L3MBTL4: variants seen among roughly 807,000 people sequenced by gnomAD.
The protein encoded by L3MBTL4 is lethal(3)malignant brain tumor-like protein 4.
A neutral mutation model predicts 84.5 loss-of-function variants in L3MBTL4; 70 were observed. The ratio of observed to expected loss-of-function variants is 0.83; its 90% CI spans 0.68 to 1.01. L3MBTL4 has a LOEUF of 1.01. Ranked by LOEUF, L3MBTL4 falls within the 50% of genes least tolerant of loss-of-function variation. The probability of loss-of-function intolerance (pLI) is 0.00; values close to 1 mark genes in which losing one functional copy is unlikely to be tolerated. For synonymous variants in L3MBTL4, 274 were observed against 259.8 expected (o/e 1.05, Z -0.52); for missense variants, 715 against 754.8 (o/e 0.95, Z 0.62).
chr18:6,367,127 G>A (rs1480738661), intron 1 of L3MBTL4: 1 of 152,374 alleles, frequency 6.6e-6, no homozygotes, highest in Non-Finnish European at 1.5e-5. Context: ...CCTTTCTGTC[G>A]GGTCCCTCTG....
chr18:6,169,083 T>C (rs112177396), intron 13 of L3MBTL4, among the ~76,000 whole-genome samples: 11,077 of 152,200 alleles, frequency 0.073, 1,365 homozygotes, highest in African/African-American at 0.25. Context: ...AAAAACTGCT[T>C]ATCGTCACTG....
chr18:6,215,656 G>T, intron 11 of L3MBTL4, 94 bp downstream of exon 11: 1 of 589,536 alleles, frequency 1.7e-6, no homozygotes, highest in South Asian at 4.1e-5. Context: ...AATTTAGAAA[G>T]AAAAAACTAG....
At chr18:6,336,993 G>C (rs1201032056) in intron 1 of L3MBTL4, among the ~76,000 whole-genome samples, 4 of 152,120 alleles carry the variant, frequency 2.6e-5, no homozygotes, top group Non-Finnish European at 4.4e-5. Context: ...GGAAATTCTA[G>C]AACTGGAAAA....
chr18:6,214,264 C>T (rs2046235227), intron 11 of L3MBTL4, among the ~76,000 whole-genome samples: 1 of 152,150 alleles, frequency 6.6e-6, no homozygotes, highest in Non-Finnish European at 1.5e-5. Context: ...GGGCAGATCA[C>T]CTGAGGTGAT....
chr18:5,982,520 A>C (rs942235033), intron 16 of L3MBTL4, among the ~76,000 whole-genome samples: 2 of 152,218 alleles, frequency 1.3e-5, no homozygotes, highest in Non-Finnish European at 2.9e-5. Context: ...AAGCAGAGAA[A>C]CCACAGACAG....
intron 16 of L3MBTL4, chr18:6,025,317 GAGGTCTCTAAATTCAGAC>G (rs2055451491): frequency 6.6e-6 from 1 of 152,178 alleles, no homozygotes; most frequent in Non-Finnish European, 1.5e-5. Flanking sequence ...TCTCCTTTGA[GAGGTCTCTAAATTCAGAC>G]AGGGCATCCA....
intron 4 of L3MBTL4, among the ~76,000 whole-genome samples, chr18:6,283,472 T>C (rs1381813874): frequency 2.0e-5 from 3 of 152,080 alleles, no homozygotes; most frequent in Non-Finnish European, 4.4e-5. Context: ...AGGATAAAAA[T>C]ACTAAAGGAA....
chr18:5,985,249 G>A (rs1446425330), intron 16 of L3MBTL4, among the ~76,000 whole-genome samples: 1 of 152,184 alleles, frequency 6.6e-6, no homozygotes, highest in Non-Finnish European at 1.5e-5. Context: ...GGAATCAGTG[G>A]GAAACCGGAA....
Position 6,049,791 on chromosome 18 carries a change from A to T in L3MBTL4, c.1444+31090T>A, listed in dbSNP as rs2056777063. Among the ~76,000 whole-genome samples the T allele has an allele frequency of 1.3e-5, 2 of 152,202 alleles. 1 individual carries two copies. Among genetic ancestry groups the T allele is most frequent in the South Asian group, 4.1e-4 (2 of 4,832 alleles). On this transcript the variant is annotated intron_variant, in intron 16 of 18. Transcript: ENST00000317931. ...TTATGTTCAGTACTTGGGTGATGGG[A>T]TTATTCACGCCCCAAACCTCAGCAT... is the stretch of plus-strand genomic sequence containing the variant.
chr18:6,267,194 A>G (rs1215839339), intron 4 of L3MBTL4, among the ~76,000 whole-genome samples: 1 of 152,228 alleles, frequency 6.6e-6, no homozygotes, highest in African/African-American at 2.4e-5. Flanking sequence ...ATTAGACTCA[A>G]AAAAGCATGG....
At position 6,219,990 on chromosome 18, in the gene L3MBTL4, G is replaced by A. The variant is rs911309457; in HGVS notation, c.785-4155C>T. 9.9e-5 allele frequency among the ~76,000 whole-genome samples: 15 copies of A among 152,128 alleles called. No individual in the cohort carries two copies. The East Asian group carries it at 2.1e-3, about 22-fold the overall frequency. ...CTGGAGTGGGAGGATCACTTGAGCC[G>A]CTGAGTTCAAGACCAGCCTAGGAAC... On this transcript the variant is annotated intron_variant, in intron 10 of 18. Coordinates refer to ENST00000317931, the MANE Select transcript of L3MBTL4 (RefSeq NM_001330559.2).
chr18:6,030,094 C>G (rs1354466665), intron 16 of L3MBTL4: 5 of 977,394 alleles, frequency 5.1e-6, no homozygotes, highest in Non-Finnish European at 6.1e-6. Context: ...CACGAGGAAA[C>G]TGTTTAACAA....
intron 16 of L3MBTL4, chr18:6,017,945 C>G (rs542101383): frequency 7.3e-4 from 111 of 152,240 alleles, no homozygotes; most frequent in African/African-American, 2.6e-3. Context: ...GTTGACTGGA[C>G]AGCTTACAAA....
At chr18:6,153,473 C>T (rs573985416) in intron 13 of L3MBTL4, among the ~76,000 whole-genome samples, 45 of 152,116 alleles carry the variant, frequency 3.0e-4, no homozygotes, top group African/African-American at 1.1e-3. Flanking sequence ...CTTTTTGATG[C>T]TATTGTAAAT....
intron 12 of L3MBTL4, among the ~76,000 whole-genome samples, chr18:6,172,742 T>G (rs1007328011): frequency 1.3e-5 from 2 of 152,188 alleles, no homozygotes; most frequent in Non-Finnish European, 2.9e-5. Flanking sequence ...TAAAAATAAT[T>G]ATTTCTTTTA....
intron 1 of L3MBTL4, among the ~76,000 whole-genome samples, chr18:6,375,820 G>A (rs2054344053): frequency 6.6e-6 from 1 of 152,170 alleles, no homozygotes. Flanking sequence ...GGCCTGGCCT[G>A]GATGTCAAAT....
chr18:6,080,049 CT>C, intron 16 of L3MBTL4: 1 of 152,554 alleles, frequency 6.6e-6, no homozygotes, highest in Non-Finnish European at 1.5e-5. Flanking sequence ...CCTCCCGGCC[CT>C]TTTGTTCAAT....
intron 12 of L3MBTL4, among the ~76,000 whole-genome samples, chr18:6,180,727 C>T (rs2044429992): frequency 6.6e-6 from 1 of 152,204 alleles, no homozygotes; most frequent in Non-Finnish European, 1.5e-5. Context: ...CCATCCTCTC[C>T]TCCAACCAAG....
chr18:6,385,520 C>CA (rs2054782859), intron 1 of L3MBTL4, among the ~76,000 whole-genome samples: 1 of 152,158 alleles, frequency 6.6e-6, no homozygotes, highest in African/African-American at 2.4e-5. Flanking sequence ...CATTCAGAAG[C>CA]AACATGTCCA....
Sources: gnomAD v4.1 joint callset for allele counts (sites outside exome capture counted in the v4.1 genomes callset) on GRCh38, gnomAD v4.1.1 for gene constraint, MANE v1.5 for transcripts, NCBI Gene and HGNC (gene_info 2026-07-23, HGNC 2026-07-21) for gene names.